The following SENP6 variants were observed in gnomAD, a reference collection of about 807,000 sequenced individuals.
SENP6 encodes the protein SUMO specific peptidase 6, also known as sentrin-specific protease 6.
In SENP6, 41 loss-of-function variants were observed where a neutral mutation model predicts 134.5. That is an observed-to-expected ratio of 0.30 (90% confidence interval 0.24 to 0.40). The LOEUF (loss-of-function observed/expected upper bound fraction) is 0.40. Among genes scored for constraint, SENP6 ranks in the 10% least tolerant of loss-of-function variants. SENP6 has a pLI of 1.00. For synonymous variants in SENP6, 395 were observed against 429.8 expected (o/e 0.92, Z 1.00); for missense variants, 1,248 against 1,312.5 (o/e 0.95, Z 0.76).
intron 1 of SENP6, among the ~76,000 whole-genome samples, chr6:75,605,543 A>G (rs939430854): frequency 6.6e-6 from 1 of 152,236 alleles, no homozygotes; most frequent in Non-Finnish European, 1.5e-5. Context: ...CAAGAAAGGC[A>G]TCCCTGAGGA....
chr6:75,656,693 C>T (rs1771368546), intron 7 of SENP6, among the ~76,000 whole-genome samples: 1 of 152,142 alleles, frequency 6.6e-6, no homozygotes, highest in Non-Finnish European at 1.5e-5. Flanking sequence ...ATCTAGTTTC[C>T]TATAACACTA....
At chr6:75,631,600 A>G (rs1485576094) in intron 3 of SENP6, among the ~76,000 whole-genome samples, 4 of 152,238 alleles carry the variant, frequency 2.6e-5, no homozygotes, top group South Asian at 2.1e-4. Context: ...AGCATAATAT[A>G]AAACTCAAAT....
chr6:75,714,758 G>C (rs1775941339), intron 23 of SENP6, among the ~76,000 whole-genome samples: 1 of 151,988 alleles, frequency 6.6e-6, no homozygotes, highest in African/African-American at 2.4e-5. Flanking sequence ...GTTCTTTCTT[G>C]CCTCTAGGCC....
chr6:75,672,781 AT>A (rs1290907356), intron 11 of SENP6, among the ~76,000 whole-genome samples: 1 of 152,122 alleles, frequency 6.6e-6, no homozygotes, highest in Non-Finnish European at 1.5e-5. Context: ...TAATTTAATC[AT>A]TTTAATTTGC....
chr6:75,709,061 A>G (rs2842566), intron 19 of SENP6, among the ~76,000 whole-genome samples: 12,140 of 152,098 alleles, frequency 0.08, 1,081 homozygotes, highest in African/African-American at 0.22. Context: ...GCCCTGAATT[A>G]TATAATTTTC....
At chr6:75,631,912 G>A (rs189667712) in intron 3 of SENP6, among the ~76,000 whole-genome samples, 25 of 152,242 alleles carry the variant, frequency 1.6e-4, no homozygotes, top group African/African-American at 4.3e-4. Flanking sequence ...ATATATCCTC[G>A]GATGAAGCAT....
At chr6:75,606,923 C>T (rs1767070278) in intron 1 of SENP6, among the ~76,000 whole-genome samples, 1 of 152,106 alleles carries the variant, frequency 6.6e-6, no homozygotes, top group Admixed American at 6.6e-5. Context: ...GGTAGAGAGG[C>T]AGTGCTTTCT....
At chr6:75,691,571 T>C (rs528288221) in intron 16 of SENP6, among the ~76,000 whole-genome samples, 5 of 152,092 alleles carry the variant, frequency 3.3e-5, no homozygotes, top group East Asian at 3.9e-4. Context: ...TTTTTTGTTA[T>C]TGTGTTTTGT....
At chr6:75,607,685 T>A (rs1767129402) in intron 1 of SENP6, among the ~76,000 whole-genome samples, 1 of 152,226 alleles carries the variant, frequency 6.6e-6, no homozygotes, top group Admixed American at 6.5e-5. Flanking sequence ...CCTGTCTTCC[T>A]TTATGGACCT....
chr6:75,655,871 T>C (rs1771283024), intron 7 of SENP6, among the ~76,000 whole-genome samples: 1 of 152,114 alleles, frequency 6.6e-6, no homozygotes, highest in South Asian at 2.1e-4. Flanking sequence ...CAGTAATATC[T>C]TCCATAGTCT....
At chr6:75,672,536 T>C (rs899328079) in intron 11 of SENP6, among the ~76,000 whole-genome samples, 2 of 152,224 alleles carry the variant, frequency 1.3e-5, no homozygotes, top group African/African-American at 4.8e-5. Flanking sequence ...ACCTTACTTG[T>C]AGCATGAGAT....
chr6:75,638,325 C>T (rs1433965010), intron 5 of SENP6, among the ~76,000 whole-genome samples: 1 of 148,752 alleles, frequency 6.7e-6, no homozygotes, highest in Non-Finnish European at 1.5e-5. Context: ...TGAAATAGTC[C>T]AACAAGAATG....
rs775548052 is a variant in SENP6, at chr6:75,702,915, C to T, written c.2559C>T (p.Asn853=). Residue 853 remains asparagine (N), a synonymous_variant, in exon 19 of 24, where the codon AAC becomes AAT. Transcript: ENST00000447266. ...QEESDPRYKR[N]ICSVKYSVKK... is the part of the protein sequence containing the mutation. ...AAAGTGACCCTCGTTATAAGAGAAA[C>T]ATATGCAGTGTAAAATACAGTGTGA... is the stretch of plus-strand genomic sequence containing the variant. The T allele has an allele frequency of 2.5e-5, 40 of 1,613,866 alleles. No individual in the cohort carries two copies. In the South Asian group the frequency reaches 4.1e-4, roughly 16 times the overall value.
At chr6:75,636,111 C>T (rs1582725703) in intron 5 of SENP6, among the ~76,000 whole-genome samples, 3 of 152,128 alleles carry the variant, frequency 2.0e-5, no homozygotes, top group Admixed American at 2.0e-4. Context: ...TAGGTCTCAA[C>T]ACCTATAACA....
chr6:75,705,348 C>T (rs888409446), intron 19 of SENP6, among the ~76,000 whole-genome samples: 2 of 151,966 alleles, frequency 1.3e-5, no homozygotes, highest in Non-Finnish European at 2.9e-5. Context: ...AGTTTGAGAC[C>T]AGCCTGACCA....
At position 75,660,790 on chromosome 6, in the gene SENP6, C is replaced by T. The variant is rs562233921; in HGVS notation, c.696+1383C>T. ...GGGACTACAGGCATCTGCCACCATACCCGGCTTATTTTTGTATTTTAGTAG... is the reference window on the plus strand; with the variant it reads ...GGGACTACAGGCATCTGCCACCATATCCGGCTTATTTTTGTATTTTAGTAG... On this transcript the variant is annotated intron_variant, in intron 8 of 23. Coordinates refer to ENST00000447266, the MANE Select transcript of SENP6 (RefSeq NM_015571.4). Among the ~76,000 whole-genome samples, 6 of 152,236 alleles carry T rather than the reference C, an allele frequency of 3.9e-5. No homozygotes were observed. The East Asian group carries it at 1.2e-3, about 29-fold the overall frequency.
rs182994179 is a variant in SENP6 at position 75,645,802 on chromosome 6, C to A, written c.480-1929C>A. Among the ~76,000 whole-genome samples the A allele has an allele frequency of 9.2e-5, 14 of 152,190 alleles. No homozygotes were observed. In the East Asian group the frequency reaches 2.7e-3, roughly 29 times the overall value. On this transcript the variant is annotated intron_variant, in intron 6 of 23. Coordinates refer to ENST00000447266, the MANE Select transcript of SENP6 (RefSeq NM_015571.4). ...TTATTATAATTTTTAAAAAACAGAA[C>A]TTTAATTTGCCCTGCTTTTATAGGA...
At chr6:75,657,204 G>A (rs1003093645) in intron 7 of SENP6, among the ~76,000 whole-genome samples, 2 of 152,154 alleles carry the variant, frequency 1.3e-5, no homozygotes, top group African/African-American at 4.8e-5. Context: ...TTTTAAGACT[G>A]CTTTACTGTA....
At chr6:75,712,720 C>A (rs1228096583) in intron 21 of SENP6, among the ~76,000 whole-genome samples, 1 of 151,516 alleles carries the variant, frequency 6.6e-6, no homozygotes, top group East Asian at 1.9e-4. Context: ...ACAGAGTGTT[C>A]TGAAGTGGAA....
Sources: gnomAD v4.1 joint callset for allele counts (sites outside exome capture counted in the v4.1 genomes callset) on GRCh38, gnomAD v4.1.1 for gene constraint, MANE v1.5 for transcripts, NCBI Gene and HGNC (gene_info 2026-07-23, HGNC 2026-07-21) for gene names.